EPG5: variants seen among roughly 807,000 people sequenced by gnomAD.
The protein encoded by EPG5 is ectopic P-granules 5 autophagy tethering factor.
In EPG5, 159 loss-of-function variants were observed where a neutral mutation model predicts 302.7. The observed-to-expected ratio is 0.53, with a 90% CI of 0.46 to 0.60. The LOEUF is 0.60. EPG5 is among the 20% of genes least tolerant of loss of function. The pLI, the probability that EPG5 is intolerant of heterozygous loss-of-function variation, is 0.00. For synonymous variants in EPG5, 1,158 were observed against 1,136.8 expected (o/e 1.02, Z -0.37); for missense variants, 2,896 against 3,092.4 (o/e 0.94, Z 1.51).
rs1329332238 is a variant in EPG5 at position 45,866,973 on chromosome 18, C to G, written c.6446G>C (p.Ser2149Thr). The G allele has an allele frequency of 6.8e-6, 11 of 1,614,010 alleles. No homozygotes were observed. The highest frequency in any genetic ancestry group is 8.5e-6 in the Non-Finnish European group (10 of 1,179,976). The stretch of plus-strand genomic sequence containing the variant: ...ATCCACAAGATGCCATGAAAGTGAG[C>G]TTGTCTGTCCAAGGAGACTAAGTAA... ...SPLLSLLGQTSSLSWHLVDIV... is the reference protein window; with the variant it reads ...SPLLSLLGQTTSLSWHLVDIV... The change falls in exon 38 of 44, where the codon AGC (serine) becomes ACC (threonine). Residue 2149 changes from serine (S) to threonine (T), a missense_variant. By Grantham distance (58) the Ser-to-Thr change is moderately conservative (BLOSUM62 1). This residue lies in a region of EPG5 where 620 missense variants were observed against 704.2 expected (regional missense o/e 0.88). Transcript: ENST00000282041.
intron 35 of EPG5, among the ~76,000 whole-genome samples, chr18:45,871,531 G>A (rs1225980046): frequency 6.6e-6 from 1 of 152,202 alleles, no homozygotes; most frequent in African/African-American, 2.4e-5. Context: ...AACAACCTAA[G>A]TGTCCTTCAA....
chr18:45,912,226 T>C (rs960910736), intron 22 of EPG5, 64 bp downstream of exon 22: 58 of 1,392,560 alleles, frequency 4.2e-5, no homozygotes, highest in Non-Finnish European at 5.3e-5. Context: ...TAAGAACACA[T>C]AGAATGAGAG....
At chr18:45,841,965 A>G in the EPG5 span, 14 of 773,316 alleles carry the variant, frequency 1.8e-5, no homozygotes, top group Non-Finnish European at 3.1e-5. Flanking sequence ...CTCCGATGCC[A>G]TTCATCTCTG....
intron 27 of EPG5, among the ~76,000 whole-genome samples, chr18:45,890,368 G>A (rs142202816): frequency 1.4e-4 from 22 of 152,140 alleles, no homozygotes; most frequent in South Asian, 6.2e-4. Context: ...CACAAATGTC[G>A]TTTTGAAAGG....
intron 35 of EPG5, among the ~76,000 whole-genome samples, chr18:45,872,096 G>C (rs1488685545): frequency 6.6e-6 from 1 of 152,060 alleles, no homozygotes; most frequent in African/African-American, 2.4e-5. Flanking sequence ...TAGAAACGGT[G>C]GAAATGTTCC....
chr18:45,883,615 T>A (rs2049150026), intron 30 of EPG5, among the ~76,000 whole-genome samples: 8 of 41,088 alleles, frequency 1.9e-4, no homozygotes, highest in Admixed American at 1.3e-3. Flanking sequence ...TAGCCTGGTG[T>A]TTTTTTTTTT....
chr18:45,912,763 G>C (rs965643767), intron 21 of EPG5, among the ~76,000 whole-genome samples: 1 of 152,130 alleles, frequency 6.6e-6, no homozygotes, highest in African/African-American at 2.4e-5. Context: ...CGAATACAAC[G>C]TTATAGTGCA....
At chr18:45,925,199 G>A (rs745509379) in intron 14 of EPG5, among the ~76,000 whole-genome samples, 14 of 152,172 alleles carry the variant, frequency 9.2e-5, no homozygotes, top group Non-Finnish European at 1.9e-4. Flanking sequence ...AGCCAGGCAC[G>A]GTGGCTCATG....
Position 45,952,599 on chromosome 18 carries a change from G to A in EPG5, c.1053C>T (p.Tyr351=). ...CATTTTCATTCATTTCTACTCTTTG[G>A]TAGCGATGATAGCTGAAAACTTTCA... ...DQVKVFSYHR[Y]QRVEMNENAL... is the part of the protein sequence containing the mutation. The change falls in exon 3 of 44, where the codon TAC becomes TAT. Residue 351 remains tyrosine (Y), a synonymous_variant. Coordinates refer to ENST00000282041, the MANE Select transcript of EPG5 (RefSeq NM_020964.3). 5 of 1,614,114 alleles carry A rather than the reference G, an allele frequency of 3.1e-6. No homozygotes were observed. Among genetic ancestry groups the A allele is most frequent in the Non-Finnish European group, 4.2e-6 (5 of 1,180,020 alleles).
intron 27 of EPG5, among the ~76,000 whole-genome samples, chr18:45,892,298 G>T (rs2049369360): frequency 6.6e-6 from 1 of 152,052 alleles, no homozygotes; most frequent in Non-Finnish European, 1.5e-5. Context: ...TTTTTTTACT[G>T]CAATGAAGGT....
At chr18:45,925,646 G>T in intron 14 of EPG5, 92 bp downstream of exon 14, 1 of 985,190 alleles carries the variant, frequency 1.0e-6, no homozygotes, top group Non-Finnish European at 1.4e-6. Context: ...CTTGCAAATG[G>T]TACTCAGAAA....
At chr18:45,957,873 T>A (rs1362272812) in intron 1 of EPG5, among the ~76,000 whole-genome samples, 1 of 152,196 alleles carries the variant, frequency 6.6e-6, no homozygotes, top group Non-Finnish European at 1.5e-5. Context: ...CGAGAGTGGC[T>A]GTCCCCTCTA....
chr18:45,931,147 C>T (rs565528876), intron 11 of EPG5, among the ~76,000 whole-genome samples: 1 of 152,224 alleles, frequency 6.6e-6, no homozygotes, highest in Non-Finnish European at 1.5e-5. Flanking sequence ...AACTGCAAAG[C>T]ACTGCTGCTG....
At chr18:45,844,355 A>G (rs1266057021), downstream of EPG5, among the ~76,000 whole-genome samples, 1 of 152,176 alleles carries the variant, frequency 6.6e-6, no homozygotes, top group Non-Finnish European at 1.5e-5. Context: ...TGCTAGCACA[A>G]GAGGGCGACT....
chr18:45,869,467 T>TCCTA (rs2048824097), intron 36 of EPG5, among the ~76,000 whole-genome samples: 1 of 152,194 alleles, frequency 6.6e-6, no homozygotes, highest in African/African-American at 2.4e-5. Context: ...AGAATAAAAC[T>TCCTA]CCTAGAGACA....
chr18:45,908,866 T>C (rs1365498891), intron 23 of EPG5, among the ~76,000 whole-genome samples: 1 of 152,030 alleles, frequency 6.6e-6, no homozygotes, highest in Non-Finnish European at 1.5e-5. Context: ...GGAGAATCAC[T>C]TGAACCCGGA....
intron 28 of EPG5, among the ~76,000 whole-genome samples, chr18:45,889,309 C>T (rs2145487201): frequency 6.6e-6 from 1 of 152,330 alleles, no homozygotes; most frequent in Non-Finnish European, 1.5e-5. Context: ...AATGCAAGTT[C>T]ACAACCACAC....
chr18:45,966,204 C>T (rs1234457828), intron 1 of EPG5, among the ~76,000 whole-genome samples: 2 of 151,760 alleles, frequency 1.3e-5, no homozygotes, highest in Admixed American at 6.6e-5. Flanking sequence ...AACCCCGTCT[C>T]TACTAAAAAT....
At chr18:45,865,010 G>A (rs1331860220) in intron 39 of EPG5, among the ~76,000 whole-genome samples, 1 of 152,058 alleles carries the variant, frequency 6.6e-6, no homozygotes, top group African/African-American at 2.4e-5. Flanking sequence ...GGCAGGCCCT[G>A]GGCTTTACCA....
Sources: gnomAD v4.1 joint callset for allele counts (sites outside exome capture counted in the v4.1 genomes callset) on GRCh38, gnomAD v4.1.1 for gene constraint, gnomAD v4.1.1 regional missense constraint, MANE v1.5 for transcripts, NCBI Gene and HGNC (gene_info 2026-07-23, HGNC 2026-07-21) for gene names.